MAPK3: variants seen among roughly 807,000 people sequenced by gnomAD.
MAPK3 encodes MAPK 1.
Under a neutral mutation model 41.8 loss-of-function variants are expected in MAPK3, and 30 were observed. That is an observed-to-expected ratio of 0.72 (90% CI 0.54 to 0.97). The LOEUF is 0.97. MAPK3 is among the 50% of genes least tolerant of loss of function. The pLI is 0.00. For synonymous variants in MAPK3, 222 were observed against 213.4 expected (o/e 1.04, Z -0.35); for missense variants, 413 against 509.9 (o/e 0.81, Z 1.83).
chr16:30,117,372 G>T, intron 5 of MAPK3, 87 bp from the exon 6 acceptor site: 1 of 1,374,590 alleles, frequency 7.3e-7, no homozygotes, highest in Non-Finnish European at 1.0e-6. Context: ...AGACCCCCCA[G>T]CCCAGCAACC....
At chr16:30,120,030 G>A (rs546941849) in intron 2 of MAPK3, among the ~76,000 whole-genome samples, 23 of 152,150 alleles carry the variant, frequency 1.5e-4, no homozygotes, top group Non-Finnish European at 2.4e-4. Context: ...TTAGCCGGGC[G>A]TGGTGGCAGG....
At chr16:30,117,516 A>G (rs2072968973) in intron 5 of MAPK3, among the ~76,000 whole-genome samples, 154 bp downstream of exon 5, 1 of 152,052 alleles carries the variant, frequency 6.6e-6, no homozygotes, top group Non-Finnish European at 1.5e-5. Context: ...TGCTTTTCCC[A>G]TCTATCCAAT....
At chr16:30,116,529 TA>T in intron 8 of MAPK3, 106 bp downstream of exon 8, 1 of 1,256,694 alleles carries the variant, frequency 8.0e-7, no homozygotes. Context: ...GGGTGTGGGG[TA>T]AGCTTGCTGC....
chr16:30,118,446 T>C lies in MAPK3; in HGVS notation c.446A>G (p.Gln149Arg). 1.2e-6 allele frequency: 2 copies of C among 1,614,048 alleles called. No individual in the cohort carries two copies. The highest frequency in any genetic ancestry group is 1.7e-6 in the Non-Finnish European group (2 of 1,179,986). Reference protein sequence around the residue: ...SNDHICYFLYQILRGLKYIHS... With the variant: ...SNDHICYFLYRILRGLKYIHS... The stretch of plus-strand genomic sequence containing the variant: ...GATGTACTTGAGGCCCCGCAGGATC[T>C]GGTAGAGGAAGTAGCAGATATGGTC... The change falls in exon 3 of 9, where the codon CAG (glutamine) becomes CGG (arginine). Residue 149 changes from glutamine to arginine, a missense_variant. Gln to Arg is a conservative substitution (Grantham distance 43, BLOSUM62 1). This residue lies in a region of MAPK3 where 140 missense variants were observed against 206.0 expected (regional missense o/e 0.68). Coordinates refer to ENST00000263025, the MANE Select transcript of MAPK3 (RefSeq NM_002746.3).
At chr16:30,114,746 C>G (rs1201831657) in intron 8 of MAPK3, 38 bp from the exon 9 acceptor site, 1 of 152,362 alleles carries the variant, frequency 6.6e-6, no homozygotes, top group Admixed American at 6.6e-5. Context: ...GTCGTTAGCA[C>G]CCCCCGGGCA....
chr16:30,123,177 G>A lies in MAPK3; in HGVS notation c.33C>T (p.Gly11=), dbSNP rs1368575816. The change falls in exon 1 of 9, where the codon GGC becomes GGT. Residue 11 remains glycine, a synonymous_variant. Transcript: ENST00000263025. The part of the protein sequence containing the change: MAAAAAQGGG[G]GEPRRTEGVG... ...CCCCCTCGGTTCTACGGGGCTCCCCGCCCCCGCCCCCCTGAGCCGCCGCCG... is the reference window on the plus strand; with the variant it reads ...CCCCCTCGGTTCTACGGGGCTCCCCACCCCCGCCCCCCTGAGCCGCCGCCG... 9.4e-6 allele frequency: 6 copies of A among 640,894 alleles called. No homozygotes were observed. The highest frequency in any genetic ancestry group is 3.6e-5 in the African/African-American group (1 of 27,408). 39.7% of individuals were successfully genotyped at this position (640,894 alleles called of 1,614,324 possible). A position where few individuals can be genotyped will look rare whatever the true frequency, so the allele number is the denominator to read the frequency against.
intron 7 of MAPK3, 44 bp downstream of exon 7, chr16:30,116,850 T>C (rs554122766): frequency 1.2e-6 from 2 of 1,613,286 alleles, no homozygotes; most frequent in South Asian, 1.1e-5. Flanking sequence ...CGTGCCCCCC[T>C]GCTCCCCTGC....
chr16:30,116,963 A>G lies in MAPK3; in HGVS notation c.948T>C (p.Asn316=), dbSNP rs765219189. 1.2e-6 allele frequency: 2 copies of G among 1,612,612 alleles called. No homozygotes were observed. The highest frequency in any genetic ancestry group is 1.7e-6 in the Non-Finnish European group (2 of 1,179,260). Residue 316 remains asparagine, a synonymous_variant, in exon 7 of 9, where the codon AAT becomes AAC. Coordinates refer to ENST00000263025, the MANE Select transcript of MAPK3 (RefSeq NM_002746.3). ...LLDRMLTFNP[N]KRITVEEALA... ...GCGCTTCCTCCACTGTGATCCGTTT[A>G]TTGGGGTTAAAGGTTAACATCCGGT...
intron 3 of MAPK3, 62 bp from the exon 4 acceptor site, chr16:30,118,225 C>T: frequency 6.3e-7 from 1 of 1,575,174 alleles, no homozygotes; most frequent in South Asian, 1.1e-5. Context: ...AGCAGTCACG[C>T]CCCCTTGTCT....
chr16:30,122,455 G>A (rs897098301), intron 1 of MAPK3: 10 of 243,024 alleles, frequency 4.1e-5, no homozygotes, highest in African/African-American at 1.8e-4. Flanking sequence ...TCCGGGCAGC[G>A]GGGCTGTCCC....
intron 1 of MAPK3, chr16:30,122,253 TCTC>T: frequency 7.1e-6 from 4 of 562,996 alleles, no homozygotes; most frequent in Non-Finnish European, 1.3e-5. Flanking sequence ...TGACTTCCCC[TCTC>T]CTCAATCCCC....
At chr16:30,116,611 A>G (rs2151044522) in intron 8 of MAPK3, 25 bp downstream of exon 8, 1 of 1,603,318 alleles carries the variant, frequency 6.2e-7, no homozygotes, top group Middle Eastern at 2.0e-4. Context: ...CAGGGTGTCC[A>G]TGTGTGGGCC....
At chr16:30,120,751 A>G (rs549935297) in intron 2 of MAPK3, among the ~76,000 whole-genome samples, 7 of 142,406 alleles carry the variant, frequency 4.9e-5, no homozygotes, top group African/African-American at 1.8e-4. Flanking sequence ...TAGCACAATC[A>G]TAGCTCACTG....
At chr16:30,121,152 A>G (rs1217644679) in intron 2 of MAPK3, among the ~76,000 whole-genome samples, 1 of 152,134 alleles carries the variant, frequency 6.6e-6, no homozygotes, top group African/African-American at 2.4e-5. Context: ...TCTGTCACCC[A>G]GGCTGGAGTG....
chr16:30,115,132 C>T (rs1406990984), intron 8 of MAPK3, among the ~76,000 whole-genome samples: 1 of 151,856 alleles, frequency 6.6e-6, no homozygotes, highest in African/African-American at 2.4e-5. Context: ...CTGGGAGGAT[C>T]CCTTGCACCC....
At chr16:30,118,757 G>A in intron 2 of MAPK3, among the ~76,000 whole-genome samples, 1 of 152,168 alleles carries the variant, frequency 6.6e-6, no homozygotes, top group East Asian at 1.9e-4. Context: ...TCCTGAGCAA[G>A]GGGCTTCATT....
intron 2 of MAPK3, among the ~76,000 whole-genome samples, chr16:30,121,254 T>C (rs1363810547): frequency 6.6e-6 from 1 of 151,944 alleles, no homozygotes; most frequent in Non-Finnish European, 1.5e-5. Flanking sequence ...GATTACAGGC[T>C]TGCACCACCA....
At chr16:30,116,301 A>C (rs1400819808) in intron 8 of MAPK3, among the ~76,000 whole-genome samples, 1 of 151,698 alleles carries the variant, frequency 6.6e-6, no homozygotes, top group Admixed American at 6.6e-5. Context: ...AGCCTCCCAA[A>C]GTGCTGGGAT....
chr16:30,123,021 C>A lies in MAPK3; in HGVS notation c.170+19G>T. 1 of 1,497,692 alleles carries A rather than the reference C, an allele frequency of 6.7e-7. No individual in the cohort carries two copies. Among genetic ancestry groups the A allele is most frequent in the East Asian group, 2.7e-5 (1 of 36,442 alleles). The allele number at this position is 1,497,692 out of a possible 1,614,324, so 92.8% of individuals were successfully genotyped here. On this transcript the variant is annotated intron_variant, in intron 1 of 8. Transcript: ENST00000263025. ...CCCCCTCCCCTGAGGGCACCCCCTC[C>A]CCCGGAACGCCCCCTCACCTGACCA...
Sources: gnomAD v4.1 joint callset for allele counts (sites outside exome capture counted in the v4.1 genomes callset) on GRCh38, gnomAD v4.1.1 for gene constraint, gnomAD v4.1.1 regional missense constraint, MANE v1.5 for transcripts, NCBI Gene and HGNC (gene_info 2026-07-23, HGNC 2026-07-21) for gene names.